The following FBXL3 variants were observed in gnomAD, a reference collection of about 807,000 sequenced individuals.
FBXL3 encodes F-box/LRR-repeat protein 3.
FBXL3 carries 14 observed loss-of-function variants against 37.9 expected under a neutral mutation model. The ratio of observed to expected loss-of-function variants is 0.37; its 90% CI spans 0.24 to 0.58. The LOEUF is 0.58. Among genes scored for constraint, FBXL3 ranks in the 20% least tolerant of loss-of-function variants. The pLI is 0.74. For missense variants in FBXL3, 327 were observed against 511.1 expected, an observed-to-expected ratio of 0.64 and a Z score of 3.47; for synonymous variants, 194 against 180.1, an observed-to-expected ratio of 1.08 and a Z score of -0.62.
rs901302056 is a variant in FBXL3, at chr13:77,027,158, C to T, written c.-333G>A. Reference sequence around the variant, plus strand: ...TGCACCTGGGCCACAAACAGCGAGTCTAAAATGGCGCCCAGGGCTCGCGGC... The same window carrying T: ...TGCACCTGGGCCACAAACAGCGAGTTTAAAATGGCGCCCAGGGCTCGCGGC... On this transcript the variant is annotated 5_prime_UTR_variant, in exon 1 of 5. Coordinates refer to ENST00000355619, the MANE Select transcript of FBXL3 (RefSeq NM_012158.4). 7.0e-6 allele frequency: 1 copy of T among 143,576 alleles called. No individual in the cohort carries two copies. Among genetic ancestry groups the T allele is most frequent in the South Asian group, 2.1e-4 (1 of 4,698 alleles). 8.9% of individuals were successfully genotyped at this position (143,576 alleles called of 1,614,324 possible).
At chr13:77,018,866 T>C in intron 2 of FBXL3, 144 bp from the exon 3 acceptor site, 1 of 616,516 alleles carries the variant, frequency 1.6e-6, no homozygotes, top group Non-Finnish European at 2.4e-6. Flanking sequence ...CATTACTAGT[T>C]TATTGCATTA....
At chr13:77,023,847 G>A (rs560328519) in intron 1 of FBXL3, among the ~76,000 whole-genome samples, 100 of 152,288 alleles carry the variant, frequency 6.6e-4, no homozygotes, top group Non-Finnish European at 1.3e-3. Context: ...CCAGTACCTC[G>A]CAAAACTTGT....
intron 4 of FBXL3, chr13:77,009,479 C>T (rs544393402): frequency 1.1e-4 from 16 of 152,330 alleles, no homozygotes; most frequent in African/African-American, 3.9e-4. Context: ...AGGCACACGC[C>T]ACCACGCCCG....
At position 77,006,121 on chromosome 13, in the gene FBXL3, A is replaced by G. The variant is rs1395048752; in HGVS notation, c.*1024T>C. 2 of 152,594 alleles carry G rather than the reference A, an allele frequency of 1.3e-5. No homozygotes were observed. Among genetic ancestry groups the G allele is most frequent in the Non-Finnish European group, 2.9e-5 (2 of 67,976 alleles). 9.5% of individuals were successfully genotyped at this position (152,594 alleles called of 1,614,324 possible). ...AAATTTGCTGTTTATGCTAGACTGT[A>G]CAATGGTGCTCCCTTTATGATTTTT... On this transcript the variant is annotated 3_prime_UTR_variant, in exon 5 of 5. Transcript: ENST00000355619.
chr13:77,024,806 GTTAA>G (rs779414835), intron 1 of FBXL3, among the ~76,000 whole-genome samples: 5 of 152,130 alleles, frequency 3.3e-5, no homozygotes, highest in Non-Finnish European at 5.9e-5. Context: ...AATTAAGTCT[GTTAA>G]TTGTCATACG....
Position 77,007,044 on chromosome 13 carries a change from T to C in FBXL3, c.*101A>G, listed in dbSNP as rs541827768. The C allele has an allele frequency of 8.6e-5, 126 of 1,465,296 alleles. No individual in the cohort carries two copies. The highest frequency in any genetic ancestry group is 7.8e-4 in the Middle Eastern group (4 of 5,148). 90.8% of individuals were successfully genotyped at this position (1,465,296 alleles called of 1,614,324 possible). A position where few individuals can be genotyped will look rare whatever the true frequency, so the allele number is the denominator to read the frequency against. ...ATATACTGACTGAAGATATCAAATT[T>C]CTGTGCCACAAAATAGTAGAATTAT... On this transcript the variant is annotated 3_prime_UTR_variant, in exon 5 of 5. Coordinates refer to ENST00000355619, the MANE Select transcript of FBXL3 (RefSeq NM_012158.4).
chr13:77,023,220 C>T (rs1465215484), intron 1 of FBXL3, among the ~76,000 whole-genome samples: 8 of 152,272 alleles, frequency 5.3e-5, no homozygotes, highest in South Asian at 2.1e-4. Context: ...AGTGCAGTGG[C>T]ACGATCATGG....
intron 4 of FBXL3, among the ~76,000 whole-genome samples, chr13:77,008,078 C>T (rs2034484811): frequency 1.3e-5 from 2 of 152,128 alleles, no homozygotes; most frequent in Admixed American, 1.3e-4. Context: ...TAGGGCATTC[C>T]AGTAATGCAC....
rs6562979 is a variant in FBXL3 at position 77,005,797 on chromosome 13, C to T, written c.*1348G>A. ...CGCTTTAAGAATTAATGTATTCCACCGGGGTTAAATCATTTCTGATTTCCC... is the reference window on the plus strand; with the variant it reads ...CGCTTTAAGAATTAATGTATTCCACTGGGGTTAAATCATTTCTGATTTCCC... On this transcript the variant is annotated 3_prime_UTR_variant, in exon 5 of 5. Coordinates refer to ENST00000355619, the MANE Select transcript of FBXL3 (RefSeq NM_012158.4). 1 allele frequency: 152,236 copies of T among 152,236 alleles called. 76,118 individuals are homozygous for T. Among genetic ancestry groups the T allele is most frequent in the Non-Finnish European group, 1 (67,946 of 67,946 alleles). The allele number at this position is 152,236 out of a possible 1,614,324, so 9.4% of individuals were successfully genotyped here.
chr13:77,015,694 A>C, intron 3 of FBXL3, 114 bp from the exon 4 acceptor site: 3 of 661,162 alleles, frequency 4.5e-6, no homozygotes, highest in Non-Finnish European at 6.8e-6. Context: ...ATATTTTGTA[A>C]ATGTTTTAGG....
rs972519325 is a variant in FBXL3 at position 77,005,472 on chromosome 13, C to T, written c.*1673G>A. The stretch of plus-strand genomic sequence containing the variant: ...TCAAATCCATTTTTCCAAAGTTGTT[C>T]AAGGAAAAACAACAACTTGACTAGC... On this transcript the variant is annotated 3_prime_UTR_variant, in exon 5 of 5. Transcript: ENST00000355619. The T allele has an allele frequency of 6.6e-6, 1 of 152,456 alleles. No homozygotes were observed. The highest frequency in any genetic ancestry group is 1.5e-5 in the Non-Finnish European group (1 of 67,936). The allele number at this position is 152,456 out of a possible 1,614,324, so 9.4% of individuals were successfully genotyped here. A position where few individuals can be genotyped will look rare whatever the true frequency, so the allele number is the denominator to read the frequency against.
In FBXL3 at chr13:77,007,406, A is replaced by G. The variant is rs2034470631; in HGVS notation, c.1026T>C (p.Asn342=). ...PRLVELVVCA[N]GLRPLDEELI... ...ACTCTTCATCAAGTGGCCGTAATCC[A>G]TTTGCACACACTACTAGTTCAACCA... is the stretch of plus-strand genomic sequence containing the variant. The change falls in exon 5 of 5, where the codon AAT becomes AAC. Residue 342 remains asparagine (N), a synonymous_variant. Coordinates refer to ENST00000355619, the MANE Select transcript of FBXL3 (RefSeq NM_012158.4). 1 of 1,614,064 alleles carries G rather than the reference A, an allele frequency of 6.2e-7. No individual in the cohort carries two copies.
chr13:77,011,952 C>T (rs1307396285), intron 4 of FBXL3, among the ~76,000 whole-genome samples: 8 of 152,258 alleles, frequency 5.3e-5, no homozygotes, highest in African/African-American at 1.7e-4. Context: ...AGAAATTAAA[C>T]CATATGTCCG....
intron 4 of FBXL3, 59 bp downstream of exon 4, chr13:77,015,350 C>T: frequency 1.6e-6 from 2 of 1,256,538 alleles, no homozygotes; most frequent in Non-Finnish European, 1.1e-6. Flanking sequence ...ATAGTTTTTT[C>T]TAATTTGAAC....
chr13:77,011,043 G>C (rs773862101), intron 4 of FBXL3: 10 of 152,166 alleles, frequency 6.6e-5, no homozygotes, highest in Non-Finnish European at 1.3e-4. Context: ...ACCCAAATTA[G>C]AAAATAGGCA....
intron 1 of FBXL3, 101 bp downstream of exon 1, chr13:77,026,723 GCCC>G (rs1381622986): frequency 2.4e-4 from 3 of 12,328 alleles, no homozygotes; most frequent in South Asian, 2.5e-3. Context: ...CGGCCCCCGC[GCCC>G]CCCCCCACCC....
intron 3 of FBXL3, 134 bp downstream of exon 3, chr13:77,018,466 T>C: frequency 2.0e-6 from 1 of 499,404 alleles, no homozygotes; most frequent in Non-Finnish European, 3.2e-6. Context: ...TTTATTTTCA[T>C]CCTAAATAGT....
chr13:77,023,433 T>C (rs2034783023), intron 1 of FBXL3, among the ~76,000 whole-genome samples: 1 of 152,146 alleles, frequency 6.6e-6, no homozygotes, highest in South Asian at 2.1e-4. Context: ...GTAGACTCAC[T>C]GAATTATTAT....
intron 4 of FBXL3, chr13:77,009,214 G>GC (rs2034502956): frequency 6.6e-6 from 1 of 152,214 alleles, no homozygotes; most frequent in Non-Finnish European, 1.5e-5. Flanking sequence ...GAAAAGATAG[G>GC]CATTAGAATT....
Sources: allele counts gnomAD v4.1 joint callset (sites outside exome capture counted in the v4.1 genomes callset), GRCh38; gene constraint gnomAD v4.1.1; transcripts MANE v1.5; gene names NCBI Gene and HGNC (gene_info 2026-07-23, HGNC 2026-07-21).